The following SHANK2 variants were observed in gnomAD, a reference collection of about 807,000 sequenced individuals.
The protein encoded by SHANK2 is SH3 and multiple ankyrin repeat domains protein 2.
In SHANK2, 43 loss-of-function variants were observed where a neutral mutation model predicts 133.7. The ratio of observed to expected loss-of-function variants is 0.32; its 90% confidence interval spans 0.25 to 0.41. The LOEUF (loss-of-function observed/expected upper bound fraction) is 0.41. Ranked by LOEUF, SHANK2 falls within the 10% of genes least tolerant of loss-of-function variation. The probability of loss-of-function intolerance (pLI) is 1.00; values close to 1 mark genes in which losing one functional copy is unlikely to be tolerated. For missense variants in SHANK2, 1,994 were observed against 2,235.8 expected (o/e 0.89, Z 2.18); for synonymous variants, 1,017 against 952.8 (o/e 1.07, Z -1.24).
chr11:70,876,657 T>C lies in SHANK2; in HGVS notation c.1174+19844A>G, dbSNP rs1555071408. Among the ~76,000 whole-genome samples the C allele has an allele frequency of 2.0e-5, 3 of 151,850 alleles. No individual in the cohort carries two copies. The East Asian group carries it at 5.8e-4, about 29-fold the overall frequency. The stretch of plus-strand genomic sequence containing the variant: ...CATGCATATATTGCATGTTGATTCA[T>C]TAACGGGGAAGCTGAGGTTCAGAGG... On this transcript the variant is annotated intron_variant, in intron 11 of 25. Coordinates refer to ENST00000601538, the MANE Select transcript of SHANK2 (RefSeq NM_012309.5).
In SHANK2 at chr11:70,726,240, G is replaced by A. The variant is rs532181327; in HGVS notation, c.1778-27477C>T. On this transcript the variant is annotated intron_variant, in intron 14 of 25. Transcript: ENST00000601538. ...CTCACCTCCCACCAGCATCTTGGAG[G>A]GACCTGAGCTCCCTGGGGCTGGGTT... 9.2e-5 allele frequency among the ~76,000 whole-genome samples: 14 copies of A among 152,342 alleles called. No homozygotes were observed. The South Asian group carries it at 2.5e-3, about 27-fold the overall frequency.
At chr11:70,538,079 G>A (rs1307283260) in intron 17 of SHANK2, among the ~76,000 whole-genome samples, 3 of 152,196 alleles carry the variant, frequency 2.0e-5, no homozygotes, top group South Asian at 2.1e-4. Flanking sequence ...GCACACCCAC[G>A]GGGCAGTAGC....
intron 12 of SHANK2, among the ~76,000 whole-genome samples, chr11:70,812,741 C>T (rs1948305568): frequency 6.6e-6 from 1 of 152,240 alleles, no homozygotes; most frequent in Non-Finnish European, 1.5e-5. Context: ...CTGGGGGTCC[C>T]TCCTGCTGTC....
Position 70,743,875 on chromosome 11 carries a change from C to T in SHANK2, c.1778-45112G>A, listed in dbSNP as rs531546971. On this transcript the variant is annotated intron_variant, in intron 14 of 25. Coordinates refer to ENST00000601538, the MANE Select transcript of SHANK2 (RefSeq NM_012309.5). Reference sequence around the variant, plus strand: ...TCCTACCCGGCTGCTGCGACACCCCCACATGGCTCTTTGTGGCTCTGTGAG... The same window carrying T: ...TCCTACCCGGCTGCTGCGACACCCCTACATGGCTCTTTGTGGCTCTGTGAG... 6.7e-4 allele frequency among the ~76,000 whole-genome samples: 102 copies of T among 152,310 alleles called. 1 individual carries two copies. The South Asian group carries it at 0.02, about 30-fold the overall frequency.
At chr11:70,602,678 T>A (rs1244952588) in intron 17 of SHANK2, among the ~76,000 whole-genome samples, 1 of 152,254 alleles carries the variant, frequency 6.6e-6, no homozygotes, top group Non-Finnish European at 1.5e-5. Context: ...TAGTTGGACA[T>A]TTTGATGCAG....
intron 9 of SHANK2, among the ~76,000 whole-genome samples, chr11:71,060,023 G>T (rs1441755501): frequency 1.3e-5 from 2 of 152,166 alleles, no homozygotes; most frequent in Non-Finnish European, 2.9e-5. Flanking sequence ...AGGTCAGGTT[G>T]GTTAGAGGGG....
chr11:70,831,113 G>A (rs1356058914), intron 11 of SHANK2, among the ~76,000 whole-genome samples: 1 of 152,148 alleles, frequency 6.6e-6, no homozygotes, highest in Non-Finnish European at 1.5e-5. Context: ...GGGGGCAGGC[G>A]GGTAGCAGAG....
intron 17 of SHANK2, among the ~76,000 whole-genome samples, chr11:70,616,698 G>A (rs1489591135): frequency 6.6e-6 from 1 of 152,148 alleles, no homozygotes; most frequent in Non-Finnish European, 1.5e-5. Context: ...TGAGGCCTCC[G>A]GAGGCTGCTG....
At chr11:70,754,802 T>C (rs1555038337) in intron 14 of SHANK2, among the ~76,000 whole-genome samples, 1 of 152,148 alleles carries the variant, frequency 6.6e-6, no homozygotes, top group Non-Finnish European at 1.5e-5. Context: ...TGGGCAATGC[T>C]GAACACCTTC....
intron 2 of SHANK2, among the ~76,000 whole-genome samples, chr11:71,185,194 G>A (rs1953645765): frequency 2.0e-5 from 3 of 152,186 alleles, no homozygotes; most frequent in Admixed American, 2.0e-4. Context: ...TGTTATGGTT[G>A]TTGAAACTCA....
intron 2 of SHANK2, among the ~76,000 whole-genome samples, chr11:71,200,576 C>G (rs1953999233): frequency 6.6e-6 from 1 of 152,114 alleles, no homozygotes; most frequent in East Asian, 1.9e-4. Context: ...TTTGACTTCA[C>G]TCTACATTTA....
At chr11:70,891,080 C>T (rs1203642290) in intron 11 of SHANK2, among the ~76,000 whole-genome samples, 2 of 152,192 alleles carry the variant, frequency 1.3e-5, no homozygotes, top group African/African-American at 4.8e-5. Flanking sequence ...TGTGCAAGTA[C>T]AGCCTGGGAG....
chr11:70,886,205 C>T (rs961875477), intron 11 of SHANK2, among the ~76,000 whole-genome samples: 5 of 152,216 alleles, frequency 3.3e-5, no homozygotes, highest in East Asian at 1.9e-4. Context: ...CAGAGGCGGC[C>T]GACTGCTCCC....
chr11:70,693,280 G>A (rs983516836), intron 15 of SHANK2, among the ~76,000 whole-genome samples: 2 of 152,172 alleles, frequency 1.3e-5, no homozygotes, highest in Non-Finnish European at 2.9e-5. Flanking sequence ...TCCACTGCAA[G>A]TGCGAGAAGA....
At chr11:71,150,397 A>C (rs1952774796) in intron 2 of SHANK2, among the ~76,000 whole-genome samples, 1 of 91,986 alleles carries the variant, frequency 1.1e-5, no homozygotes. Context: ...AGGGAGGGAC[A>C]GGGAGGGACA....
intron 17 of SHANK2, among the ~76,000 whole-genome samples, chr11:70,509,261 C>T (rs543219447): frequency 1.4e-4 from 22 of 152,350 alleles, no homozygotes; most frequent in Middle Eastern, 6.8e-3. Context: ...CTCACCTGCC[C>T]CTGCAGCACC....
intron 17 of SHANK2, among the ~76,000 whole-genome samples, chr11:70,533,546 G>A (rs2059505645): frequency 2.0e-5 from 3 of 152,170 alleles, no homozygotes; most frequent in African/African-American, 7.2e-5. Context: ...CCCCCTGCTT[G>A]CCTGGCGTTC....
chr11:70,899,672 T>C (rs1555076394), intron 10 of SHANK2, among the ~76,000 whole-genome samples: 3 of 152,204 alleles, frequency 2.0e-5, no homozygotes, highest in African/African-American at 7.2e-5. Context: ...ACTTAGGTGA[T>C]GTGGACCCAT....
In SHANK2 at chr11:70,473,702, T is replaced by C; in HGVS notation, c.4980-263A>G. ...ACAGAGGGGCTGGGGGACCTGCCTGTGCTGGGGGGAGCACACCACGTCAGC... is the reference window on the plus strand; with the variant it reads ...ACAGAGGGGCTGGGGGACCTGCCTGCGCTGGGGGGAGCACACCACGTCAGC... On this transcript the variant is annotated intron_variant, in intron 25 of 25. Coordinates refer to ENST00000601538, the MANE Select transcript of SHANK2 (RefSeq NM_012309.5). This position sits in a 1 kb window ranked among gnomAD's most constrained non-coding sequence, Gnocchi z 5.9. The C allele has an allele frequency of 3.9e-6, 2 of 518,868 alleles. No homozygotes were observed. The highest frequency in any genetic ancestry group is 7.2e-6 in the Non-Finnish European group (2 of 279,140). 32.1% of individuals were successfully genotyped at this position (518,868 alleles called of 1,614,324 possible).
Sources: allele counts gnomAD v4.1 joint callset (sites outside exome capture counted in the v4.1 genomes callset), GRCh38; gene constraint gnomAD v4.1.1; non-coding constraint Gnocchi (gnomAD v3.1); transcripts MANE v1.5; gene names NCBI Gene and HGNC (gene_info 2026-07-23, HGNC 2026-07-21).